The following CLEC12A variants were observed in gnomAD, a reference collection of about 807,000 sequenced individuals.
CLEC12A encodes C-type lectin protein CLL-1.
CLEC12A carries 22 observed loss-of-function variants against 26.5 expected under a neutral mutation model. The observed-to-expected ratio is 0.83, with a 90% CI of 0.59 to 1.19. CLEC12A has a LOEUF of 1.19. CLEC12A is among the 50% of genes most tolerant of loss of function. The probability of loss-of-function intolerance (pLI) is 0.00; values close to 1 mark genes in which losing one functional copy is unlikely to be tolerated. For missense variants in CLEC12A, 353 were observed against 315.6 expected, an observed-to-expected ratio of 1.12 and a Z score of -0.90; for synonymous variants, 119 against 101.9, an observed-to-expected ratio of 1.17 and a Z score of -1.01.
At chr12:9,992,990 G>A (rs1864926362) in intron 4 of CLEC12A, 3 of 665,596 alleles carry the variant, frequency 4.5e-6, no homozygotes, top group Non-Finnish European at 7.7e-6. Context: ...TCAAAGAAGG[G>A]ACTAGGTAAT....
intron 1 of CLEC12A, among the ~76,000 whole-genome samples, chr12:9,963,831 A>G (rs1863880225): frequency 6.6e-6 from 1 of 152,250 alleles, no homozygotes; most frequent in African/African-American, 2.4e-5. Context: ...GGATCCAGCT[A>G]GGGCAGCAGC....
chr12:10,002,813 C>T, the CLEC12A span, among the ~76,000 whole-genome samples: 30,480 of 152,088 alleles, frequency 0.2, 3,847 homozygotes, highest in East Asian at 0.47. Context: ...TAAATTCTTT[C>T]GACTACATTA....
At chr12:9,960,135 C>G (rs757854847) in intron 1 of CLEC12A, among the ~76,000 whole-genome samples, 1 of 152,126 alleles carries the variant, frequency 6.6e-6, no homozygotes, top group Non-Finnish European at 1.5e-5. Context: ...AGTGTTAAAC[C>G]ATGAATTCAA....
chr12:9,979,032 T>C lies in CLEC12A; in HGVS notation c.158T>C (p.Leu53Ser). ...ALFLTLLCLLLLIGLGVLASM... is the reference protein window; with the variant it reads ...ALFLTLLCLLSLIGLGVLASM... ...TTTCTGACTCTTCTGTGCCTTCTGT[T>C]GCTCATTGGATTGGGAGTCTTGGCA... The change falls in exon 2 of 6, where the codon TTG becomes TCG. Residue 53 changes from leucine to serine, a missense_variant. Coordinates refer to ENST00000304361, the MANE Select transcript of CLEC12A (RefSeq NM_138337.6). 1 of 1,613,964 alleles carries C rather than the reference T, an allele frequency of 6.2e-7. No homozygotes were observed. The highest frequency in any genetic ancestry group is 8.5e-7 in the Non-Finnish European group (1 of 1,179,860).
At chr12:9,994,395 TAATA>T (rs1240115058) in intron 4 of CLEC12A, among the ~76,000 whole-genome samples, 5 of 152,184 alleles carry the variant, frequency 3.3e-5, no homozygotes, top group African/African-American at 7.2e-5. Flanking sequence ...AGTAAATACT[TAATA>T]AATATTTGTT....
At chr12:9,984,072 T>A in intron 5 of CLEC12A, 1 of 309,194 alleles carries the variant, frequency 3.2e-6, no homozygotes, top group Non-Finnish European at 6.3e-6. Flanking sequence ...AAAAGAAAAC[T>A]GAAAAAGTAT....
downstream of CLEC12A, chr12:9,996,779 G>A (rs760226857): frequency 5.2e-6 from 8 of 1,527,444 alleles, no homozygotes; most frequent in Non-Finnish European, 6.3e-6. Context: ...AACAAAAAAA[G>A]GTCAAGTGTT....
At chr12:9,966,272 T>A (rs1261925295) in intron 1 of CLEC12A, among the ~76,000 whole-genome samples, 5 of 152,190 alleles carry the variant, frequency 3.3e-5, no homozygotes, top group Non-Finnish European at 4.4e-5. Flanking sequence ...CTGTGAGAGT[T>A]ACCTAGAGTG....
At chr12:9,987,225 T>C (rs1257788438), downstream of CLEC12A, among the ~76,000 whole-genome samples, 1 of 152,202 alleles carries the variant, frequency 6.6e-6, no homozygotes. Context: ...GGCCCCCTAC[T>C]TATCAGTATT....
At chr12:9,962,573 G>A (rs1863852661) in intron 1 of CLEC12A, among the ~76,000 whole-genome samples, 1 of 152,154 alleles carries the variant, frequency 6.6e-6, no homozygotes, top group South Asian at 2.1e-4. Context: ...TGTTTTATAA[G>A]ATTTGGGTAG....
At chr12:9,954,330 A>G (rs191513212) in intron 1 of CLEC12A, among the ~76,000 whole-genome samples, 174 of 151,958 alleles carry the variant, frequency 1.1e-3, no homozygotes, top group Admixed American at 0.01. Context: ...CCCTGTCTCT[A>G]CAAAAAATAC....
downstream of CLEC12A, among the ~76,000 whole-genome samples, chr12:9,996,466 C>T (rs1865050316): frequency 6.6e-6 from 1 of 152,092 alleles, no homozygotes; most frequent in African/African-American, 2.4e-5. Flanking sequence ...GAAAGAAAAG[C>T]TAATTTATGT....
chr12:9,967,302 A>G (rs188345993), upstream of CLEC12A, among the ~76,000 whole-genome samples: 326 of 152,182 alleles, frequency 2.1e-3, 3 homozygotes, highest in African/African-American at 6.9e-3. Context: ...GTGTAAAAGA[A>G]TGCCTGGACG....
At chr12:10,002,351 G>A in the CLEC12A span, among the ~76,000 whole-genome samples, 1 of 149,364 alleles carries the variant, frequency 6.7e-6, no homozygotes, top group South Asian at 2.1e-4. Context: ...AGTATTCATG[G>A]AGAAAAATCA....
rs1864251415 is a variant in CLEC12A, at chr12:9,974,421, T to C, written c.91+2734T>C. ...TTAAATAGAGTGACTCCCCAATATC[T>C]CTGTATGACCTTTCCCTGAATCTCA... On this transcript the variant is annotated intron_variant, in intron 1 of 5. Coordinates refer to ENST00000304361, the MANE Select transcript of CLEC12A (RefSeq NM_138337.6). 4.6e-5 allele frequency among the ~76,000 whole-genome samples: 7 copies of C among 152,184 alleles called. No individual in the cohort carries two copies. The South Asian group carries it at 1.4e-3, about 31-fold the overall frequency.
At chr12:9,975,824 C>T (rs1266953852) in intron 1 of CLEC12A, among the ~76,000 whole-genome samples, 1 of 152,166 alleles carries the variant, frequency 6.6e-6, no homozygotes, top group Non-Finnish European at 1.5e-5. Flanking sequence ...GTATTATGGA[C>T]TGAGCCCAGG....
rs1410673924 is a variant in CLEC12A, at chr12:9,980,630, G to C, written c.428G>C (p.Ser143Thr). The stretch of plus-strand genomic sequence containing the variant: ...AGGAGATGGATTTGGCATAAGGACA[G>C]CTGTTATTTCCTAAGTGATGATGTC... Reference protein sequence around the residue: ...CPRRWIWHKDSCYFLSDDVQT... With the variant: ...CPRRWIWHKDTCYFLSDDVQT... Residue 143 changes from serine (S) to threonine (T), a missense_variant, in exon 4 of 6, where the codon AGC becomes ACC. Physicochemically the swap from Ser to Thr is moderately conservative, Grantham distance 58. Coordinates refer to ENST00000304361, the MANE Select transcript of CLEC12A (RefSeq NM_138337.6). The C allele has an allele frequency of 6.2e-7, 1 of 1,613,788 alleles. No homozygotes were observed. Among genetic ancestry groups the C allele is most frequent in the African/African-American group, 1.3e-5 (1 of 74,918 alleles).
the CLEC12A span, among the ~76,000 whole-genome samples, chr12:10,001,823 AT>A: frequency 6.6e-6 from 1 of 151,810 alleles, no homozygotes; most frequent in African/African-American, 2.4e-5. Context: ...CCTTGCTTGA[AT>A]ATCTTATTCT....
chr12:10,003,789 G>A, the CLEC12A span, among the ~76,000 whole-genome samples: 1 of 152,066 alleles, frequency 6.6e-6, no homozygotes, highest in Non-Finnish European at 1.5e-5. Context: ...GGTGGTGTGC[G>A]CCTGTAGTCC....
Sources: gnomAD v4.1 joint callset for allele counts (sites outside exome capture counted in the v4.1 genomes callset) on GRCh38, gnomAD v4.1.1 for gene constraint, MANE v1.5 for transcripts, NCBI Gene and HGNC (gene_info 2026-07-23, HGNC 2026-07-21) for gene names.